CACNA1D: variants seen among roughly 807,000 people sequenced by gnomAD.
CACNA1D encodes calcium voltage-gated channel subunit alpha1 D.
In CACNA1D, 55 loss-of-function variants were observed where a neutral mutation model predicts 257.1. The observed-to-expected ratio is 0.21, with a 90% CI of 0.17 to 0.27. CACNA1D has a LOEUF of 0.27. Ranked by LOEUF, CACNA1D falls within the 10% of genes least tolerant of loss-of-function variation. CACNA1D has a pLI of 1.00. For synonymous variants in CACNA1D, 980 were observed against 1,014.9 expected (o/e 0.97, Z 0.65); for missense variants, 1,876 against 2,784.0 (o/e 0.67, Z 7.34).
At chr3:53,686,765 T>C (rs2094476711) in intron 8 of CACNA1D, among the ~76,000 whole-genome samples, 1 of 152,062 alleles carries the variant, frequency 6.6e-6, no homozygotes, top group South Asian at 2.1e-4. Context: ...ACCATTTTTC[T>C]ATCTTCTTTT....
At chr3:53,543,137 G>A (rs11709630) in intron 3 of CACNA1D, among the ~76,000 whole-genome samples, 6 of 147,018 alleles carry the variant, frequency 4.1e-5, no homozygotes, top group African/African-American at 7.6e-5. Flanking sequence ...AATAAAGAAA[G>A]AAATAAATAA....
In CACNA1D at chr3:53,648,976, T is replaced by C. The variant is rs148523764; in HGVS notation, c.484-1803T>C. On this transcript the variant is annotated intron_variant, in intron 3 of 47. Coordinates refer to ENST00000350061, the MANE Select transcript of CACNA1D (RefSeq NM_001128840.3). ...GCCCTGTCCTTGGAAGGAAGCCCTG[T>C]TATATGACCAGTGAAGAGTGGAGAA... Among the ~76,000 whole-genome samples, 672 of 152,212 alleles carry C rather than the reference T, an allele frequency of 4.4e-3. 7 individuals carry two copies. The highest frequency in any genetic ancestry group is 0.016 in the African/African-American group (648 of 41,524).
chr3:53,565,355 C>T (rs9833977), intron 3 of CACNA1D, among the ~76,000 whole-genome samples: 2,527 of 152,226 alleles, frequency 0.017, 80 homozygotes, highest in African/African-American at 0.057. Flanking sequence ...CACGTACACA[C>T]ATGCATACAC....
chr3:53,586,019 G>A (rs2093209305), intron 3 of CACNA1D, among the ~76,000 whole-genome samples: 1 of 152,124 alleles, frequency 6.6e-6, no homozygotes, highest in Non-Finnish European at 1.5e-5. Flanking sequence ...TTTGATTTAA[G>A]TAGATCCAAA....
chr3:53,650,811 T>C lies in CACNA1D; in HGVS notation c.516T>C (p.Phe172=), dbSNP rs927953322. The C allele has an allele frequency of 1.9e-6, 3 of 1,614,012 alleles. No homozygotes were observed. Among genetic ancestry groups the C allele is most frequent in the African/African-American group, 1.3e-5 (1 of 75,068 alleles). The change falls in exon 4 of 48, where the codon TTT becomes TTC. Residue 172 remains phenylalanine (F), a synonymous_variant. Transcript: ENST00000350061. ...TAGAATATGCCTTCCTGATTATTTTTACAGTCGAGACATTTTTGAAGATTA... is the reference window on the plus strand; with the variant it reads ...TAGAATATGCCTTCCTGATTATTTTCACAGTCGAGACATTTTTGAAGATTA... ...EKVEYAFLII[F]TVETFLKIIA... is the part of the protein sequence containing the mutation.
chr3:53,495,534 A>G lies in CACNA1D; in HGVS notation c.67+301A>G, dbSNP rs1351671951. On this transcript the variant is annotated intron_variant, in intron 1 of 47. Coordinates refer to ENST00000350061, the MANE Select transcript of CACNA1D (RefSeq NM_001128840.3). The surrounding 1 kb of genome is among the most constrained non-coding windows in gnomAD (Gnocchi z 5.1). ...TTCGGGTTCAGTGTCCTCGGGCTCA[A>G]CTTTCCTTCAACGCCCCCGAGCGAT... Among the ~76,000 whole-genome samples, 2 of 152,052 alleles carry G rather than the reference A, an allele frequency of 1.3e-5. No individual in the cohort carries two copies. The highest frequency in any genetic ancestry group is 6.5e-5 in the Admixed American group (1 of 15,270).
intron 3 of CACNA1D, among the ~76,000 whole-genome samples, chr3:53,509,658 C>T (rs961511176): frequency 1.3e-5 from 2 of 152,002 alleles, no homozygotes; most frequent in South Asian, 2.1e-4. Flanking sequence ...GGTGGGATCC[C>T]GGTCTTGGCT....
intron 3 of CACNA1D, among the ~76,000 whole-genome samples, chr3:53,642,353 T>C (rs1001651412): frequency 6.6e-6 from 1 of 152,220 alleles, no homozygotes; most frequent in Admixed American, 6.5e-5. Context: ...CTCCCAGACT[T>C]GCTCTCTTCG....
At chr3:53,549,145 T>C (rs2092475929) in intron 3 of CACNA1D, among the ~76,000 whole-genome samples, 1 of 152,230 alleles carries the variant, frequency 6.6e-6, no homozygotes, top group Non-Finnish European at 1.5e-5. Flanking sequence ...GCAGATGCCA[T>C]CTTCTCACTG....
At chr3:53,582,961 C>T (rs770223578) in intron 3 of CACNA1D, among the ~76,000 whole-genome samples, 1 of 152,046 alleles carries the variant, frequency 6.6e-6, no homozygotes, top group African/African-American at 2.4e-5. Flanking sequence ...GGAAGAGGGT[C>T]GGCATGTGGA....
chr3:53,707,673 A>G (rs1358673286), intron 9 of CACNA1D, among the ~76,000 whole-genome samples: 3 of 152,210 alleles, frequency 2.0e-5, no homozygotes, highest in African/African-American at 7.2e-5. Context: ...CCAAATCTCA[A>G]AGTGATTTTT....
intron 39 of CACNA1D, among the ~76,000 whole-genome samples, chr3:53,784,427 A>G (rs959153160): frequency 3.3e-5 from 5 of 152,036 alleles, no homozygotes; most frequent in African/African-American, 1.2e-4. Context: ...GTCCTGCTGT[A>G]GCTTTGACTT....
chr3:53,625,065 G>A (rs1312478069), intron 3 of CACNA1D, among the ~76,000 whole-genome samples: 2 of 152,144 alleles, frequency 1.3e-5, no homozygotes, highest in African/African-American at 4.8e-5. Flanking sequence ...TTTCAGCCCT[G>A]GATAAAGAGG....
chr3:53,585,092 G>C (rs2093192103), intron 3 of CACNA1D, among the ~76,000 whole-genome samples: 1 of 146,424 alleles, frequency 6.8e-6, no homozygotes, highest in Non-Finnish European at 1.5e-5. Flanking sequence ...TTTTTAATAT[G>C]GGTCAGAGCT....
chr3:53,705,173 C>A (rs1308059770), intron 9 of CACNA1D, among the ~76,000 whole-genome samples: 2 of 152,052 alleles, frequency 1.3e-5, no homozygotes, highest in Non-Finnish European at 2.9e-5. Context: ...CTGTGTGAGC[C>A]CAGGAGGGCG....
intron 6 of CACNA1D, 114 bp from the exon 7 acceptor site, chr3:53,666,225 C>A: frequency 2.1e-6 from 2 of 955,206 alleles, no homozygotes; most frequent in Non-Finnish European, 3.4e-6. Flanking sequence ...CCTGAGGCAA[C>A]GCAGATGGGG....
At chr3:53,688,307 G>A (rs2094491063) in intron 8 of CACNA1D, among the ~76,000 whole-genome samples, 1 of 152,200 alleles carries the variant, frequency 6.6e-6, no homozygotes, top group African/African-American at 2.4e-5. Flanking sequence ...TGGTTTCTCT[G>A]TTGTAGTGAG....
intron 3 of CACNA1D, among the ~76,000 whole-genome samples, chr3:53,539,558 T>C (rs2092239109): frequency 6.6e-6 from 1 of 152,270 alleles, no homozygotes; most frequent in Admixed American, 6.5e-5. Context: ...AGTTTTGTGC[T>C]GTTAAAGAAT....
intron 30 of CACNA1D, among the ~76,000 whole-genome samples, chr3:53,763,826 T>G (rs1428344703): frequency 6.6e-6 from 1 of 152,202 alleles, no homozygotes; most frequent in Non-Finnish European, 1.5e-5. Flanking sequence ...CCAAACTGAC[T>G]TGGATTCCAG....
Sources: gnomAD v4.1 joint callset for allele counts (sites outside exome capture counted in the v4.1 genomes callset) on GRCh38, gnomAD v4.1.1 for gene constraint, Gnocchi (gnomAD v3.1) non-coding constraint, MANE v1.5 for transcripts, NCBI Gene and HGNC (gene_info 2026-07-23, HGNC 2026-07-21) for gene names.